Variants in USH2A observed in about 807,000 individuals in gnomAD.
USH2A encodes the protein usherin.
USH2A carries 443 observed loss-of-function variants against 538.9 expected under a neutral mutation model. The observed-to-expected ratio is 0.82, with a 90% CI of 0.76 to 0.89. The LOEUF (loss-of-function observed/expected upper bound fraction) is 0.89. Ranked by LOEUF, USH2A falls within the 40% of genes least tolerant of loss-of-function variation. The pLI, the probability that USH2A is intolerant of heterozygous loss-of-function variation, is 0.00. For missense variants in USH2A, 6,633 were observed against 6,324.8 expected, an observed-to-expected ratio of 1.05 and a Z score of -1.65; for synonymous variants, 2,413 against 2,273.5, an observed-to-expected ratio of 1.06 and a Z score of -1.75.
chr1:215,960,090 A>G (rs776208880), intron 37 of USH2A, among the ~76,000 whole-genome samples: 9 of 152,126 alleles, frequency 5.9e-5, no homozygotes, highest in Non-Finnish European at 1.3e-4. Context: ...AAATTATTCT[A>G]TAGGATCTCA....
chr1:216,377,807 AAAAGAAAGAAAGAAAGAAAG>A (rs200931887), intron 3 of USH2A, among the ~76,000 whole-genome samples: 1,804 of 49,398 alleles, frequency 0.037, 57 homozygotes, highest in African/African-American at 0.072. Context: ...GAAAGAAATA[AAAAGAAAGAAAGAAAGAAAG>A]AAAGAAAGAA....
In USH2A at chr1:216,018,146, C is replaced by A. The variant is rs1668761228; in HGVS notation, c.6326-17584G>T. Among the ~76,000 whole-genome samples the A allele has an allele frequency of 2.0e-5, 3 of 152,098 alleles. No homozygotes were observed. In the South Asian group the frequency reaches 6.2e-4, roughly 32 times the overall value. On this transcript the variant is annotated intron_variant, in intron 32 of 71. Coordinates refer to ENST00000307340, the MANE Select transcript of USH2A (RefSeq NM_206933.4). ...ATTATTGGGTACATTCTTAATTACA[C>A]CTTAAGCATAAACTCTTAGAAGTAG... is the stretch of plus-strand genomic sequence containing the variant.
intron 20 of USH2A, among the ~76,000 whole-genome samples, chr1:216,187,426 C>T (rs2034630628): frequency 1.3e-5 from 2 of 151,874 alleles, no homozygotes; most frequent in Admixed American, 1.3e-4. Context: ...CTCTATATTG[C>T]AACCAACAAA....
At chr1:215,950,776 C>G (rs2102440404) in intron 37 of USH2A, among the ~76,000 whole-genome samples, 1 of 152,212 alleles carries the variant, frequency 6.6e-6, no homozygotes, top group South Asian at 2.1e-4. Context: ...TCCCAAACTG[C>G]TGGGTACAGG....
At chr1:215,940,657 T>A (rs1394861920) in intron 37 of USH2A, among the ~76,000 whole-genome samples, 2 of 152,134 alleles carry the variant, frequency 1.3e-5, no homozygotes, top group Non-Finnish European at 2.9e-5. Flanking sequence ...ACAGGATATT[T>A]TGAAAGAGAA....
chr1:216,323,842 T>C (rs781683514), intron 7 of USH2A, 147 bp from the exon 8 acceptor site: 1 of 788,088 alleles, frequency 1.3e-6, no homozygotes, highest in Non-Finnish European at 2.0e-6. Flanking sequence ...ATTTCATATA[T>C]AAACAATACA....
chr1:215,892,045 G>C (rs1362914528), intron 40 of USH2A, among the ~76,000 whole-genome samples: 1 of 152,112 alleles, frequency 6.6e-6, no homozygotes. Context: ...AGCTTCAAAA[G>C]TTCAGCCCCA....
intron 43 of USH2A, among the ~76,000 whole-genome samples, chr1:215,870,864 G>A (rs1470029097): frequency 6.6e-6 from 1 of 151,944 alleles, no homozygotes; most frequent in African/African-American, 2.4e-5. Context: ...AATGATAAAA[G>A]AATACATTTT....
chr1:216,261,001 A>T (rs1233769749), intron 11 of USH2A, among the ~76,000 whole-genome samples: 1 of 152,204 alleles, frequency 6.6e-6, no homozygotes, highest in Non-Finnish European at 1.5e-5. Flanking sequence ...ATTGCTGCTC[A>T]TAAACATGAG....
chr1:215,963,407 C>T (rs1488996049), intron 37 of USH2A, among the ~76,000 whole-genome samples: 1 of 152,078 alleles, frequency 6.6e-6, no homozygotes, highest in Non-Finnish European at 1.5e-5. Flanking sequence ...CTTTTGCTTC[C>T]AACCTCACCC....
Position 216,072,910 on chromosome 1 carries a change from G to A in USH2A, c.5836C>T (p.Arg1946Ter), listed in dbSNP as rs751130485. ...TTACCTGCTCCTGTTGTACGTCCTC[G>A]ACTCCAATCACTATATACTGAACCT... ...EGGSVYSDWS[R>*]GRTTGAAPQS... Residue 1946 changes from arginine (R) to a stop codon, truncating the protein, a stop_gained, in exon 29 of 72, where the codon CGA (arginine) becomes TGA (stop). Coordinates refer to ENST00000307340, the MANE Select transcript of USH2A (RefSeq NM_206933.4). LOFTEE classifies it high-confidence loss of function. 6.8e-6 allele frequency: 11 copies of A among 1,613,596 alleles called. No homozygotes were observed. The highest frequency in any genetic ancestry group is 4.5e-5 in the East Asian group (2 of 44,874).
chr1:215,914,068 C>CTTT (rs11366554), intron 38 of USH2A, among the ~76,000 whole-genome samples: 113 of 92,024 alleles, frequency 1.2e-3, no homozygotes, highest in African/African-American at 1.7e-3. Context: ...AAGCAACAGA[C>CTTT]TTTTTTTTTT....
Position 216,078,378 on chromosome 1 carries a change from A to C in USH2A, c.5299-16T>G. Reference sequence around the variant, plus strand: ...TCAGCTCCATCTGTATTTTATATTAAAAAAGAAAGTAGGTATATAAAAAGG... The same window carrying C: ...TCAGCTCCATCTGTATTTTATATTACAAAAGAAAGTAGGTATATAAAAAGG... On this transcript the variant is annotated splice_polypyrimidine_tract_variant and intron_variant, in intron 26 of 71. Coordinates refer to ENST00000307340, the MANE Select transcript of USH2A (RefSeq NM_206933.4). 1.9e-6 allele frequency: 3 copies of C among 1,611,610 alleles called. No homozygotes were observed. Among genetic ancestry groups the C allele is most frequent in the Non-Finnish European group, 2.5e-6 (3 of 1,178,280 alleles).
intron 38 of USH2A, among the ~76,000 whole-genome samples, chr1:215,919,556 G>A (rs1300586693): frequency 6.6e-6 from 1 of 152,024 alleles, no homozygotes; most frequent in East Asian, 1.9e-4. Flanking sequence ...AGTGTAGTGT[G>A]TAGTATTTGT....
At chr1:215,818,914 G>A (rs1662932651) in intron 47 of USH2A, among the ~76,000 whole-genome samples, 1 of 151,686 alleles carries the variant, frequency 6.6e-6, no homozygotes, top group Non-Finnish European at 1.5e-5. Flanking sequence ...TTGCAGTGTA[G>A]CACAGCAAAG....
At position 216,368,378 on chromosome 1, in the gene USH2A, C is replaced by A. The variant is rs537761698; in HGVS notation, c.652-3293G>T. On this transcript the variant is annotated intron_variant, in intron 3 of 71. Coordinates refer to ENST00000307340, the MANE Select transcript of USH2A (RefSeq NM_206933.4). ...TAGTAATTTTCCACAATCACCTGTGCCACTGAAATGCCAGATCTTTGCTGC... is the reference window on the plus strand; with the variant it reads ...TAGTAATTTTCCACAATCACCTGTGACACTGAAATGCCAGATCTTTGCTGC... Among the ~76,000 whole-genome samples the A allele has an allele frequency of 9.5e-4, 144 of 152,226 alleles. 1 individual carries two copies. Among genetic ancestry groups the A allele is most frequent in the African/African-American group, 3.3e-3 (136 of 41,550 alleles).
chr1:216,292,454 A>C, intron 9 of USH2A, 84 bp from the exon 10 acceptor site: 1 of 1,422,980 alleles, frequency 7.0e-7, no homozygotes, highest in Non-Finnish European at 9.7e-7. Flanking sequence ...CTTTCACCAG[A>C]AGTAAAGCAC....
chr1:215,894,712 A>G (rs1000781858), intron 40 of USH2A, among the ~76,000 whole-genome samples: 1 of 152,096 alleles, frequency 6.6e-6, no homozygotes, highest in African/African-American at 2.4e-5. Context: ...CAAGGTAAAA[A>G]AATGAGAATC....
At chr1:215,753,253 C>A (rs553445373) in intron 58 of USH2A, among the ~76,000 whole-genome samples, 1 of 152,038 alleles carries the variant, frequency 6.6e-6, no homozygotes, top group South Asian at 2.1e-4. Context: ...GTCAGTGTGG[C>A]GATTCCTCAG....
Sources: allele counts gnomAD v4.1 joint callset (sites outside exome capture counted in the v4.1 genomes callset), GRCh38; gene constraint gnomAD v4.1.1; transcripts MANE v1.5; gene names NCBI Gene and HGNC (gene_info 2026-07-23, HGNC 2026-07-21).